The following CENPK variants were observed in gnomAD, a reference collection of about 807,000 sequenced individuals.
CENPK encodes SoxLZ/Sox6-binding protein Solt.
A neutral mutation model predicts 40.9 loss-of-function variants in CENPK; 46 were observed. The observed-to-expected ratio is 1.13, with a 90% CI of 0.89 to 1.44. CENPK has a LOEUF of 1.44. CENPK is among the 40% of genes most tolerant of loss of function. The pLI is 0.00. For missense variants in CENPK, 288 were observed against 303.5 expected (o/e 0.95, Z 0.38); for synonymous variants, 107 against 104.4 (o/e 1.02, Z -0.15).
intron 3 of CENPK, 70 bp downstream of exon 3, chr5:65,554,727 C>T (rs1325740669): frequency 2.5e-5 from 21 of 845,702 alleles, no homozygotes; most frequent in Non-Finnish European, 2.6e-5. Flanking sequence ...CATTTCTTTC[C>T]TGAGTCTATT....
intron 3 of CENPK, among the ~76,000 whole-genome samples, chr5:65,553,437 A>AGGCAT (rs72424083): frequency 0.2 from 30,020 of 152,066 alleles, 3,478 homozygotes; most frequent in South Asian, 0.32. Flanking sequence ...CCTGGGCCGC[A>AGGCAT]GGTTGGACAA....
the CENPK span, among the ~76,000 whole-genome samples, chr5:65,502,952 C>T: frequency 6.6e-6 from 1 of 151,812 alleles, no homozygotes; most frequent in Non-Finnish European, 1.5e-5. Flanking sequence ...ACTACAGGCA[C>T]CATGCCTGGC....
At chr5:65,498,929 C>T in the CENPK span, among the ~76,000 whole-genome samples, 53 of 152,094 alleles carry the variant, frequency 3.5e-4, no homozygotes, top group Admixed American at 1.8e-3. Flanking sequence ...TCAACATACC[C>T]GGTCTTGTAT....
intron 5 of CENPK, among the ~76,000 whole-genome samples, chr5:65,545,264 T>G (rs1748682667): frequency 6.7e-6 from 1 of 149,388 alleles, no homozygotes; most frequent in South Asian, 2.1e-4. Context: ...AAATCCAGGT[T>G]AAGGTACAAC....
chr5:65,504,457 CAAAA>C, the CENPK span, among the ~76,000 whole-genome samples: 2 of 100,068 alleles, frequency 2.0e-5, no homozygotes, highest in Non-Finnish European at 3.8e-5. Context: ...AATTCCGTAT[CAAAA>C]AAAAAAAAAA....
chr5:65,510,645 G>A, the CENPK span, among the ~76,000 whole-genome samples: 1 of 151,882 alleles, frequency 6.6e-6, no homozygotes, highest in Non-Finnish European at 1.5e-5. Context: ...GCATGGTGGT[G>A]CACGCCTGTA....
chr5:65,511,464 T>C, the CENPK span, among the ~76,000 whole-genome samples: 1 of 152,198 alleles, frequency 6.6e-6, no homozygotes, highest in African/African-American at 2.4e-5. Flanking sequence ...AAGACTGTCT[T>C]GCTAAGGGCT....
chr5:65,515,873 T>C (rs1049355958), downstream of CENPK, among the ~76,000 whole-genome samples: 1 of 152,220 alleles, frequency 6.6e-6, no homozygotes, highest in African/African-American at 2.4e-5. Flanking sequence ...ACTAGGTGAC[T>C]TAAGCAACAG....
chr5:65,538,453 T>A (rs1049581069), intron 6 of CENPK, among the ~76,000 whole-genome samples: 2 of 152,220 alleles, frequency 1.3e-5, no homozygotes, highest in Admixed American at 1.3e-4. Context: ...AAATATTTTA[T>A]CTCCTGTCTA....
chr5:65,535,194 T>A (rs1484379920), intron 6 of CENPK, among the ~76,000 whole-genome samples: 1 of 150,858 alleles, frequency 6.6e-6, no homozygotes, highest in East Asian at 2.0e-4. Flanking sequence ...ATGATGCCAC[T>A]GCAGTGCAGC....
At chr5:65,515,406 T>A (rs1162584231), downstream of CENPK, among the ~76,000 whole-genome samples, 2 of 152,116 alleles carry the variant, frequency 1.3e-5, no homozygotes, top group East Asian at 3.9e-4. Context: ...TTTCACCACG[T>A]TAGCCAGGAT....
intron 6 of CENPK, among the ~76,000 whole-genome samples, chr5:65,540,412 A>G (rs1010165594): frequency 2.0e-5 from 3 of 152,214 alleles, no homozygotes; most frequent in Non-Finnish European, 2.9e-5. Context: ...TGTAAAATAT[A>G]TATTTGGTCT....
chr5:65,511,588 T>C, the CENPK span, among the ~76,000 whole-genome samples: 1 of 152,216 alleles, frequency 6.6e-6, no homozygotes, highest in African/African-American at 2.4e-5. Flanking sequence ...TACCAGTCCA[T>C]GGCCTGTTAG....
intron 6 of CENPK, among the ~76,000 whole-genome samples, chr5:65,539,010 T>C (rs1364714023): frequency 6.6e-6 from 1 of 152,226 alleles, no homozygotes; most frequent in Non-Finnish European, 1.5e-5. Context: ...TTTCTGTCTC[T>C]AGGCACATAC....
the CENPK span, among the ~76,000 whole-genome samples, chr5:65,510,325 T>A: frequency 0.013 from 1,977 of 152,272 alleles, 17 homozygotes; most frequent in Non-Finnish European, 0.022. Flanking sequence ...ATGGAGAAAG[T>A]TTTAGATTTC....
At chr5:65,534,757 T>C (rs762003179) in intron 6 of CENPK, among the ~76,000 whole-genome samples, 66 of 152,300 alleles carry the variant, frequency 4.3e-4, no homozygotes, top group Admixed American at 1.4e-3. Context: ...TGAACCTAAA[T>C]ACTGAAACCT....
At chr5:65,533,902 A>G (rs1268954132) in intron 6 of CENPK, among the ~76,000 whole-genome samples, 2 of 151,854 alleles carry the variant, frequency 1.3e-5, no homozygotes, top group Non-Finnish European at 2.9e-5. Flanking sequence ...AAAATTAGCC[A>G]GGCGCACTAG....
chr5:65,531,043 C>T (rs1328888462), intron 6 of CENPK, among the ~76,000 whole-genome samples: 2 of 151,926 alleles, frequency 1.3e-5, no homozygotes, highest in African/African-American at 4.8e-5. Context: ...TGTAATTCTA[C>T]CACTTTAGGA....
chr5:65,538,446 T>C (rs1259974484), intron 6 of CENPK, among the ~76,000 whole-genome samples: 2 of 152,220 alleles, frequency 1.3e-5, no homozygotes, highest in African/African-American at 4.8e-5. Context: ...CTTTTCAAAA[T>C]ATTTTATCTC....
Sources: allele counts gnomAD v4.1 joint callset (sites outside exome capture counted in the v4.1 genomes callset), GRCh38; gene constraint gnomAD v4.1.1; transcripts MANE v1.5; gene names NCBI Gene and HGNC (gene_info 2026-07-23, HGNC 2026-07-21).